SEMA5A: variants seen among roughly 807,000 people sequenced by gnomAD.
SEMA5A encodes semaphorin-5A.
A neutral mutation model predicts 135.5 loss-of-function variants in SEMA5A; 55 were observed. That is an observed-to-expected ratio of 0.41 (90% CI 0.33 to 0.51). The LOEUF is 0.51. Ranked by LOEUF, SEMA5A falls within the 20% of genes least tolerant of loss-of-function variation. SEMA5A has a pLI of 0.37. For synonymous variants in SEMA5A, 580 were observed against 546.5 expected, an observed-to-expected ratio of 1.06 and a Z score of -0.85; for missense variants, 1,290 against 1,419.9, an observed-to-expected ratio of 0.91 and a Z score of 1.47.
At chr5:9,468,739 T>C (rs1054536488) in intron 1 of SEMA5A, among the ~76,000 whole-genome samples, 3 of 152,216 alleles carry the variant, frequency 2.0e-5, no homozygotes, top group African/African-American at 7.2e-5. Flanking sequence ...AGCTACATGA[T>C]AGTTTGGGGT....
intron 11 of SEMA5A, among the ~76,000 whole-genome samples, chr5:9,172,353 G>A (rs1180338306): frequency 6.6e-6 from 1 of 152,164 alleles, no homozygotes; most frequent in Non-Finnish European, 1.5e-5. Context: ...GTTTACCAAG[G>A]ACAAATCAAG....
chr5:9,426,160 G>A (rs934766583), intron 2 of SEMA5A, among the ~76,000 whole-genome samples: 3 of 152,062 alleles, frequency 2.0e-5, no homozygotes, highest in African/African-American at 4.8e-5. Context: ...TATTGTGGCC[G>A]GGCGCAGTGG....
At chr5:9,156,329 A>G (rs1177126163) in intron 11 of SEMA5A, among the ~76,000 whole-genome samples, 1 of 152,188 alleles carries the variant, frequency 6.6e-6, no homozygotes, top group African/African-American at 2.4e-5. Context: ...GAGTCAATAA[A>G]CTTACACAGC....
At chr5:9,451,263 T>A (rs573437238) in intron 1 of SEMA5A, among the ~76,000 whole-genome samples, 1 of 152,324 alleles carries the variant, frequency 6.6e-6, no homozygotes, top group South Asian at 2.1e-4. Flanking sequence ...TGAACCATCC[T>A]ATCATTACAG....
intron 13 of SEMA5A, among the ~76,000 whole-genome samples, chr5:9,125,322 A>C (rs1741048061): frequency 6.6e-6 from 1 of 152,176 alleles, no homozygotes; most frequent in African/African-American, 2.4e-5. Flanking sequence ...TGTTAGAGCA[A>C]TTCTTTTCTT....
chr5:9,136,854 C>T (rs1331443760), intron 12 of SEMA5A, among the ~76,000 whole-genome samples: 2 of 152,256 alleles, frequency 1.3e-5, no homozygotes, highest in East Asian at 1.9e-4. Context: ...ATCTAACATA[C>T]ATGACAGATG....
At chr5:9,190,585 T>C (rs1806094) in intron 10 of SEMA5A, 114 bp from the exon 11 acceptor site, 399,560 of 874,944 alleles carry the variant, frequency 0.46, 95,128 homozygotes, top group Admixed American at 0.65. Flanking sequence ...CAATCCATCA[T>C]TGAAGTATGC....
At chr5:9,068,472 T>C (rs1245094031) in intron 16 of SEMA5A, among the ~76,000 whole-genome samples, 1 of 152,168 alleles carries the variant, frequency 6.6e-6, no homozygotes, top group Non-Finnish European at 1.5e-5. Flanking sequence ...CAGTGTCCAG[T>C]AGACACCCAC....
intron 15 of SEMA5A, among the ~76,000 whole-genome samples, chr5:9,115,160 C>A (rs1284501067): frequency 6.6e-6 from 1 of 152,182 alleles, no homozygotes; most frequent in African/African-American, 2.4e-5. Context: ...CACAATGATA[C>A]CAGCAGCTTG....
chr5:9,490,864 T>C (rs1017582973), intron 1 of SEMA5A, among the ~76,000 whole-genome samples: 3 of 152,200 alleles, frequency 2.0e-5, no homozygotes, highest in African/African-American at 4.8e-5. Flanking sequence ...TAAGTGGCAA[T>C]TGGCCAATGC....
intron 17 of SEMA5A, among the ~76,000 whole-genome samples, chr5:9,063,813 A>G (rs1021171046): frequency 2.6e-5 from 4 of 152,228 alleles, no homozygotes; most frequent in Non-Finnish European, 5.9e-5. Flanking sequence ...TTGCTGTGGC[A>G]GGAATCACAG....
At chr5:9,329,507 TA>T (rs1174375055) in intron 4 of SEMA5A, among the ~76,000 whole-genome samples, 2 of 152,256 alleles carry the variant, frequency 1.3e-5, no homozygotes, top group Non-Finnish European at 2.9e-5. Context: ...CTCTAATGCC[TA>T]AGAAGCTTCC....
At chr5:9,528,986 T>C (rs78025044) in intron 1 of SEMA5A, among the ~76,000 whole-genome samples, 7,662 of 152,258 alleles carry the variant, frequency 0.05, 267 homozygotes, top group South Asian at 0.097. Flanking sequence ...TCTTAGGTCA[T>C]GGTGATTTTA....
chr5:9,221,492 C>CG (rs1746979196), intron 8 of SEMA5A, among the ~76,000 whole-genome samples: 1 of 150,410 alleles, frequency 6.6e-6, no homozygotes, highest in African/African-American at 2.4e-5. Flanking sequence ...TTAGTAGAGA[C>CG]GGGGTTTCAC....
intron 21 of SEMA5A, among the ~76,000 whole-genome samples, chr5:9,048,157 G>A (rs1736373645): frequency 6.6e-6 from 1 of 152,184 alleles, no homozygotes; most frequent in Non-Finnish European, 1.5e-5. Flanking sequence ...CCTGGGTGTT[G>A]TCCAAGTGTG....
At chr5:9,164,006 A>C in intron 11 of SEMA5A, among the ~76,000 whole-genome samples, 1 of 144,118 alleles carries the variant, frequency 6.9e-6, no homozygotes, top group Non-Finnish European at 1.5e-5. Flanking sequence ...TATATAATAT[A>C]ATATATATTT....
intron 16 of SEMA5A, among the ~76,000 whole-genome samples, chr5:9,079,339 C>A (rs550165827): frequency 2.0e-5 from 3 of 152,098 alleles, no homozygotes; most frequent in African/African-American, 7.2e-5. Context: ...TTAAGGCAGA[C>A]ATAAATAAGT....
At chr5:9,043,076 T>C in intron 22 of SEMA5A, 60 bp from the exon 23 acceptor site, 1 of 1,416,124 alleles carries the variant, frequency 7.1e-7, no homozygotes, top group Non-Finnish European at 9.8e-7. Context: ...TCAGAAATAA[T>C]ATAACAAGGA....
chr5:9,053,871 G>T, intron 19 of SEMA5A: 1 of 467,176 alleles, frequency 2.1e-6, no homozygotes, highest in Non-Finnish European at 3.6e-6. Context: ...TGGGCTAAAG[G>T]CTTTGAACAC....
Sources: allele counts gnomAD v4.1 joint callset (sites outside exome capture counted in the v4.1 genomes callset), GRCh38; gene constraint gnomAD v4.1.1; transcripts MANE v1.5; gene names NCBI Gene and HGNC (gene_info 2026-07-23, HGNC 2026-07-21).